The following RIN2 variants were observed in gnomAD, a reference collection of about 807,000 sequenced individuals.
The protein encoded by RIN2 is RAB5 interacting protein 2.
RIN2 carries 36 observed loss-of-function variants against 78.0 expected under a neutral mutation model. The observed-to-expected ratio is 0.46, with a 90% confidence interval of 0.35 to 0.61. RIN2 has a LOEUF of 0.61. Ranked by LOEUF, RIN2 falls within the 20% of genes least tolerant of loss-of-function variation. RIN2 has a pLI of 0.00. For synonymous variants in RIN2, 466 were observed against 466.8 expected (o/e 1.00, Z 0.02); for missense variants, 1,087 against 1,159.7 (o/e 0.94, Z 0.91).
intron 9 of RIN2, among the ~76,000 whole-genome samples, chr20:19,981,698 G>C (rs557441554): frequency 9.2e-5 from 14 of 152,324 alleles, no homozygotes; most frequent in African/African-American, 3.4e-4. Flanking sequence ...AACTGAAGTG[G>C]ATCAAAGCCC....
At chr20:19,931,155 C>A (rs1386527755) in intron 3 of RIN2, among the ~76,000 whole-genome samples, 1 of 152,170 alleles carries the variant, frequency 6.6e-6, no homozygotes, top group African/African-American at 2.4e-5. Context: ...TCATCCATTT[C>A]TCCTGTCTAG....
chr20:19,763,490 G>A (rs1425352010), intron 1 of RIN2, among the ~76,000 whole-genome samples: 3 of 152,134 alleles, frequency 2.0e-5, no homozygotes, highest in Non-Finnish European at 2.9e-5. Flanking sequence ...GAATACAGCC[G>A]CTAGCAAAAC....
chr20:19,772,064 C>T (rs2034147132), intron 1 of RIN2, among the ~76,000 whole-genome samples: 1 of 152,156 alleles, frequency 6.6e-6, no homozygotes, highest in African/African-American at 2.4e-5. Context: ...CTCAGTTATG[C>T]AGTCCACCCA....
At chr20:19,904,229 C>A (rs2039113659) in intron 3 of RIN2, among the ~76,000 whole-genome samples, 1 of 66,888 alleles carries the variant, frequency 1.5e-5, no homozygotes, top group African/African-American at 4.3e-5. Context: ...GAGACTTCGT[C>A]TCAAAAAAAA....
At chr20:19,985,783 CAGG>C (rs2042602754) in intron 9 of RIN2, among the ~76,000 whole-genome samples, 4 of 152,188 alleles carry the variant, frequency 2.6e-5, no homozygotes, top group Admixed American at 2.0e-4. Flanking sequence ...GTAAAGGTTT[CAGG>C]TGTTTGTTTT....
At chr20:19,758,491 G>A (rs1409322297) in intron 1 of RIN2, among the ~76,000 whole-genome samples, 164 bp downstream of exon 1, 1 of 152,170 alleles carries the variant, frequency 6.6e-6, no homozygotes, top group African/African-American at 2.4e-5. Context: ...GCCAGAGCGC[G>A]TCCTCGGGGA....
chr20:19,930,059 T>C (rs1381654478), intron 3 of RIN2, among the ~76,000 whole-genome samples: 2 of 130,572 alleles, frequency 1.5e-5, no homozygotes, highest in Non-Finnish European at 3.1e-5. Flanking sequence ...GAGTCAGGAC[T>C]GAATGGAAGG....
intron 2 of RIN2, chr20:19,823,483 T>A (rs2035990480): frequency 1.2e-6 from 1 of 826,080 alleles, no homozygotes. Context: ...ACTGTTGATG[T>A]CATCTATGAT....
intron 1 of RIN2, among the ~76,000 whole-genome samples, chr20:19,758,651 G>C (rs2033487300): frequency 1.3e-5 from 2 of 152,176 alleles, no homozygotes; most frequent in Non-Finnish European, 2.9e-5. Flanking sequence ...ACAGCTGGAG[G>C]GTGCAGGCAC....
intron 3 of RIN2, among the ~76,000 whole-genome samples, chr20:19,932,435 A>G (rs972658614): frequency 1.3e-5 from 2 of 152,224 alleles, no homozygotes; most frequent in African/African-American, 4.8e-5. Flanking sequence ...CTGTTTTCCC[A>G]CATCCTAGAG....
At chr20:19,847,611 A>T (rs1232230585) in intron 2 of RIN2, among the ~76,000 whole-genome samples, 1 of 152,230 alleles carries the variant, frequency 6.6e-6, no homozygotes, top group Non-Finnish European at 1.5e-5. Flanking sequence ...GGCTTGTGTG[A>T]ACTGAGATGT....
intron 1 of RIN2, among the ~76,000 whole-genome samples, chr20:19,764,593 C>T (rs1263037059): frequency 6.6e-6 from 1 of 152,210 alleles, no homozygotes; most frequent in African/African-American, 2.4e-5. Flanking sequence ...AAATCTTTAA[C>T]CTTTTGCATC....
At chr20:19,822,246 G>C (rs183079038) in intron 2 of RIN2, among the ~76,000 whole-genome samples, 15 of 152,184 alleles carry the variant, frequency 9.9e-5, no homozygotes, top group Admixed American at 7.9e-4. Flanking sequence ...CTGAGACAGT[G>C]GGGTGAGAAA....
intron 3 of RIN2, chr20:19,934,440 G>A (rs1383520598): frequency 2.0e-6 from 2 of 983,474 alleles, no homozygotes; most frequent in Non-Finnish European, 2.4e-6. Context: ...GCATGGATAG[G>A]TGGGGATCTG....
intron 2 of RIN2, among the ~76,000 whole-genome samples, chr20:19,870,651 A>C (rs993227648): frequency 6.6e-6 from 1 of 152,210 alleles, no homozygotes; most frequent in Non-Finnish European, 1.5e-5. Context: ...TTTCAAAAAA[A>C]AGAAAGAAAG....
intron 2 of RIN2, among the ~76,000 whole-genome samples, chr20:19,875,155 C>A (rs549674566): frequency 6.6e-6 from 1 of 151,628 alleles, no homozygotes; most frequent in South Asian, 2.1e-4. Flanking sequence ...GCCACCGCAC[C>A]CAGCAGATAA....
chr20:19,974,633 T>C (rs372224655), intron 8 of RIN2, 21 bp from the exon 9 acceptor site: 11 of 1,603,868 alleles, frequency 6.9e-6, no homozygotes, highest in African/African-American at 4.0e-5. Flanking sequence ...CATTCTTGTG[T>C]TCACTGATAA....
chr20:19,856,535 A>T (rs368477355), intron 2 of RIN2, among the ~76,000 whole-genome samples: 1 of 139,816 alleles, frequency 7.2e-6, no homozygotes, highest in East Asian at 2.0e-4. Context: ...TTTGTCTCAG[A>T]AAAAAAAAAA....
intron 2 of RIN2, among the ~76,000 whole-genome samples, chr20:19,865,302 C>G (rs2037468918): frequency 6.6e-6 from 1 of 152,094 alleles, no homozygotes; most frequent in South Asian, 2.1e-4. Flanking sequence ...CATTCAGGTT[C>G]CTTTCTGAGG....
Sources: gnomAD v4.1 joint callset for allele counts (sites outside exome capture counted in the v4.1 genomes callset) on GRCh38, gnomAD v4.1.1 for gene constraint, MANE v1.5 for transcripts, NCBI Gene and HGNC (gene_info 2026-07-23, HGNC 2026-07-21) for gene names.